Variants in SULF1 observed in about 807,000 individuals in gnomAD.
SULF1 encodes extracellular sulfatase Sulf-1.
Under a neutral mutation model 110.5 loss-of-function variants are expected in SULF1, and 46 were observed. That is an observed-to-expected ratio of 0.42 (90% CI 0.33 to 0.53). The LOEUF is 0.53. Among genes scored for constraint, SULF1 ranks in the 20% least tolerant of loss-of-function variants. The pLI, the probability that SULF1 is intolerant of heterozygous loss-of-function variation, is 0.12. For synonymous variants in SULF1, 371 were observed against 387.1 expected (o/e 0.96, Z 0.49); for missense variants, 941 against 1,094.2 (o/e 0.86, Z 1.98).
chr8:69,515,288 GCC>G (rs1811853185), intron 3 of SULF1, among the ~76,000 whole-genome samples: 1 of 152,152 alleles, frequency 6.6e-6, no homozygotes, highest in Admixed American at 6.5e-5. Context: ...ACACCTGAAG[GCC>G]CAACACCATG....
rs1810464074 is a variant in SULF1 at position 69,630,830 on chromosome 8, TA to T, written c.2284+1152del. On this transcript the variant is annotated intron_variant, in intron 19 of 22. Transcript: ENST00000402687. ...AACAGTGATCAACATTGTTTTTTAT[TA>T]TTATACTTTAAGTTTTAGGGTACAT... is the stretch of plus-strand genomic sequence containing the variant. Among the ~76,000 whole-genome samples the T allele has an allele frequency of 2.0e-5, 3 of 152,330 alleles. No homozygotes were observed. In the South Asian group the frequency reaches 6.2e-4, roughly 32 times the overall value.
At chr8:69,479,668 G>A (rs572157372) in intron 1 of SULF1, among the ~76,000 whole-genome samples, 7 of 152,176 alleles carry the variant, frequency 4.6e-5, no homozygotes, top group African/African-American at 1.7e-4. Context: ...CTAAATCTAA[G>A]CAGAATGTTG....
At chr8:69,610,990 G>C (rs896748556) in intron 13 of SULF1, among the ~76,000 whole-genome samples, 1 of 152,108 alleles carries the variant, frequency 6.6e-6, no homozygotes, top group African/African-American at 2.4e-5. Flanking sequence ...CTCACCTAAG[G>C]CTCACCTGAA....
rs1179542392 is a variant in SULF1 at position 69,579,160 on chromosome 8, CAAAAAAAAAAA to C, written c.412+2961_412+2971del. On this transcript the variant is annotated intron_variant, in intron 6 of 22. Transcript: ENST00000402687. The stretch of plus-strand genomic sequence containing the variant: ...TGGGAGACAAAGCGAGACTCTGTCT[CAAAAAAAAAAA>C]AAAAAAAAAGGAAAGAAAAACCAGT... Among the ~76,000 whole-genome samples, 6 of 52,744 alleles carry C rather than the reference CAAAAAAAAAAA, an allele frequency of 1.1e-4. No individual in the cohort carries two copies. In the South Asian group the frequency reaches 2.0e-3, roughly 17 times the overall value. 34.6% of individuals were successfully genotyped at this position (52,744 alleles called of 152,430 possible).
chr8:69,556,671 T>C (rs1396016542), intron 3 of SULF1, among the ~76,000 whole-genome samples: 1 of 152,206 alleles, frequency 6.6e-6, no homozygotes, highest in Non-Finnish European at 1.5e-5. Flanking sequence ...ACCTTATATT[T>C]TAAGACCTAG....
At chr8:69,474,042 T>C (rs986961487) in intron 1 of SULF1, among the ~76,000 whole-genome samples, 1 of 152,196 alleles carries the variant, frequency 6.6e-6, no homozygotes, top group Non-Finnish European at 1.5e-5. Flanking sequence ...CCCATTTTCC[T>C]GAACAACACT....
At chr8:69,524,478 T>C (rs1812528833) in intron 3 of SULF1, among the ~76,000 whole-genome samples, 1 of 152,084 alleles carries the variant, frequency 6.6e-6, no homozygotes, top group Admixed American at 6.5e-5. Flanking sequence ...TTGCATGAAC[T>C]CAAAGCAAGA....
intron 13 of SULF1, among the ~76,000 whole-genome samples, chr8:69,618,839 T>G (rs1809378906): frequency 6.6e-6 from 1 of 152,214 alleles, no homozygotes; most frequent in Admixed American, 6.5e-5. Context: ...TACAACTCCC[T>G]TAAGAGAAAG....
chr8:69,567,452 A>G (rs1331153182), intron 5 of SULF1, among the ~76,000 whole-genome samples: 1 of 152,128 alleles, frequency 6.6e-6, no homozygotes, highest in Admixed American at 6.5e-5. Context: ...TTTCCATCTT[A>G]CAAAAGTAAA....
chr8:69,543,737 C>T (rs1814024759), intron 3 of SULF1, among the ~76,000 whole-genome samples: 1 of 152,042 alleles, frequency 6.6e-6, no homozygotes, highest in African/African-American at 2.4e-5. Context: ...TTTAGGAATC[C>T]TTATAGCCCA....
intron 22 of SULF1, among the ~76,000 whole-genome samples, chr8:69,656,536 A>G (rs956078799): frequency 5.3e-5 from 8 of 152,106 alleles, no homozygotes; most frequent in Admixed American, 2.0e-4. Context: ...TGTGTTCTCA[A>G]TGTTCGGCTC....
intron 5 of SULF1, among the ~76,000 whole-genome samples, chr8:69,574,862 G>A (rs187483538): frequency 1.5e-4 from 23 of 152,284 alleles, no homozygotes; most frequent in Non-Finnish European, 1.0e-4. Context: ...TCTCATATGC[G>A]TCATGTGAAC....
chr8:69,546,094 G>A (rs764406520), intron 3 of SULF1, among the ~76,000 whole-genome samples: 1 of 152,196 alleles, frequency 6.6e-6, no homozygotes, highest in Non-Finnish European at 1.5e-5. Flanking sequence ...GGGCAACTAA[G>A]AAATATCACC....
chr8:69,623,977 C>T lies in SULF1; in HGVS notation c.1630C>T (p.Arg544Cys), dbSNP rs1358190557. The change falls in exon 15 of 23, where the codon CGT (arginine) becomes TGT (cysteine). Residue 544 changes from arginine to cysteine, a missense_variant. Arg to Cys is a radical substitution (Grantham distance 180, BLOSUM62 -3). Coordinates refer to ENST00000402687, the MANE Select transcript of SULF1 (RefSeq NM_001128205.2). Reference protein sequence around the residue: ...KPRFVHTRQTRSLSVEFEGEI... With the variant: ...KPRFVHTRQTCSLSVEFEGEI... ...CAGATTTGTCCATACTCGGCAGACA[C>T]GTTCCTTGTCCGTCGAATTTGAAGG... is the stretch of plus-strand genomic sequence containing the variant. The T allele has an allele frequency of 3.7e-6, 6 of 1,614,110 alleles. No individual in the cohort carries two copies. The highest frequency in any genetic ancestry group is 4.2e-6 in the Non-Finnish European group (5 of 1,180,002).
chr8:69,561,608 G>A (rs147804347), intron 3 of SULF1, among the ~76,000 whole-genome samples: 4 of 152,240 alleles, frequency 2.6e-5, no homozygotes, highest in Middle Eastern at 3.4e-3. Flanking sequence ...TTTGTCTAAC[G>A]CAGTGAGCCT....
chr8:69,470,884 A>C (rs1256445396), intron 1 of SULF1, among the ~76,000 whole-genome samples: 1 of 151,972 alleles, frequency 6.6e-6, no homozygotes, highest in Non-Finnish European at 1.5e-5. Context: ...CAGCATCTCT[A>C]CTTTCTAGCC....
chr8:69,555,306 T>C (rs1369461058), intron 3 of SULF1, among the ~76,000 whole-genome samples: 1 of 152,150 alleles, frequency 6.6e-6, no homozygotes, highest in East Asian at 1.9e-4. Flanking sequence ...TCTGCTGTGT[T>C]TAGCCCTGCA....
chr8:69,616,216 A>AAATATATATACACATATATATGTGTGTG (rs1809122674), intron 13 of SULF1, among the ~76,000 whole-genome samples: 3 of 144,142 alleles, frequency 2.1e-5, no homozygotes, highest in Non-Finnish European at 3.0e-5. Context: ...GTGTGTATAT[A>AAATATATATACACATATATATGTGTGTG]TATATATATA....
At chr8:69,604,158 C>A (rs7831877) in intron 12 of SULF1, among the ~76,000 whole-genome samples, 1 of 151,926 alleles carries the variant, frequency 6.6e-6, no homozygotes, top group African/African-American at 2.4e-5. Context: ...GACTCCACAT[C>A]CCCCAAAAAG....
Sources: gnomAD v4.1 joint callset for allele counts (sites outside exome capture counted in the v4.1 genomes callset) on GRCh38, gnomAD v4.1.1 for gene constraint, MANE v1.5 for transcripts, NCBI Gene and HGNC (gene_info 2026-07-23, HGNC 2026-07-21) for gene names.